Variants in EBF1 observed in about 807,000 individuals in gnomAD.
EBF1 encodes transcription factor COE1.
EBF1 carries 10 observed loss-of-function variants against 68.4 expected under a neutral mutation model. The ratio of observed to expected loss-of-function variants is 0.15; its 90% CI spans 0.09 to 0.25. The LOEUF is 0.25. EBF1 is among the 10% of genes least tolerant of loss of function. The pLI, the probability that EBF1 is intolerant of heterozygous loss-of-function variation, is 1.00. For synonymous variants in EBF1, 298 were observed against 299.8 expected (o/e 0.99, Z 0.06); for missense variants, 509 against 794.4 (o/e 0.64, Z 4.32).
rs569680512 is a variant in EBF1 at position 159,002,357 on chromosome 5, C to T, written c.554+71039G>A. ...CAAAAGTATTTTGCCAATGAAAGTG[C>T]TATAAACAGCCATGCCCTCACTGAA... On this transcript the variant is annotated intron_variant, in intron 6 of 15. Transcript: ENST00000313708. Among the ~76,000 whole-genome samples the T allele has an allele frequency of 1.2e-4, 18 of 152,278 alleles. No homozygotes were observed. In the East Asian group the frequency reaches 1.4e-3, roughly 11 times the overall value.
At chr5:158,722,964 A>T (rs751567409) in intron 11 of EBF1, among the ~76,000 whole-genome samples, 1 of 152,186 alleles carries the variant, frequency 6.6e-6, no homozygotes, top group Admixed American at 6.5e-5. Context: ...ATTATGTTCA[A>T]TGCCCCTGTA....
intron 8 of EBF1, among the ~76,000 whole-genome samples, chr5:158,809,054 C>T (rs985674595): frequency 6.6e-6 from 1 of 152,072 alleles, no homozygotes; most frequent in African/African-American, 2.4e-5. Context: ...TATAGCTGGG[C>T]ATGTATATAC....
At chr5:158,774,627 G>A (rs568978750) in intron 10 of EBF1, among the ~76,000 whole-genome samples, 42 of 152,176 alleles carry the variant, frequency 2.8e-4, no homozygotes, top group African/African-American at 9.6e-4. Context: ...GGAGGGGGCC[G>A]TACATTTGCA....
intron 6 of EBF1, chr5:158,982,912 T>TTC (rs1758177228): frequency 6.6e-6 from 1 of 152,186 alleles, no homozygotes; most frequent in South Asian, 2.1e-4. Context: ...CTATGAATCC[T>TTC]TCTGGTCTGC....
At chr5:158,865,290 G>A (rs1020198553) in intron 6 of EBF1, among the ~76,000 whole-genome samples, 1 of 152,254 alleles carries the variant, frequency 6.6e-6, no homozygotes, top group East Asian at 1.9e-4. Context: ...AGCACAGCAG[G>A]TTGGTTATGA....
intron 6 of EBF1, among the ~76,000 whole-genome samples, chr5:159,053,605 T>TCACA (rs3062333): frequency 0.022 from 3,158 of 146,356 alleles, 49 homozygotes; most frequent in Middle Eastern, 0.062. Context: ...TCTCTCTCTC[T>TCACA]CACACACACA....
intron 10 of EBF1, among the ~76,000 whole-genome samples, chr5:158,734,936 A>T (rs919154489): frequency 1.3e-5 from 2 of 152,192 alleles, no homozygotes; most frequent in Admixed American, 1.3e-4. Context: ...TAGGTTTAGA[A>T]GAATCCATTA....
rs568916561 is a variant in EBF1, at chr5:158,794,484, A to C, written c.909+1861T>G. ...AAGCGTAAGGCAGAGGTGCAAATGC[A>C]TGATTTCCTGATGTGTCCTTATTCC... is the stretch of plus-strand genomic sequence containing the variant. On this transcript the variant is annotated intron_variant, in intron 9 of 15. Transcript: ENST00000313708. 1.5e-4 allele frequency among the ~76,000 whole-genome samples: 23 copies of C among 152,310 alleles called. No individual in the cohort carries two copies. In the South Asian group the frequency reaches 4.8e-3, roughly 32 times the overall value.
In EBF1 at chr5:158,747,804, T is replaced by G. The variant is rs57329206; in HGVS notation, c.1037-16647A>C. Among the ~76,000 whole-genome samples the G allele has an allele frequency of 2.1e-3, 327 of 152,334 alleles. 3 individuals are homozygous for G. Among genetic ancestry groups the G allele is most frequent in the African/African-American group, 7.7e-3 (320 of 41,580 alleles). On this transcript the variant is annotated intron_variant, in intron 10 of 15. Transcript: ENST00000313708. ...GCCAGTGACTGTGCTAAGCACTATC[T>G]TACAAATCACCAACTCTTTGCTGTC...
intron 6 of EBF1, among the ~76,000 whole-genome samples, chr5:159,003,798 G>C (rs578246285): frequency 8.5e-5 from 13 of 152,156 alleles, no homozygotes; most frequent in Non-Finnish European, 1.8e-4. Flanking sequence ...CACTGCTCCC[G>C]TTCTAAAGAT....
chr5:158,762,455 C>T (rs547558242), intron 10 of EBF1, among the ~76,000 whole-genome samples: 6 of 152,190 alleles, frequency 3.9e-5, no homozygotes, highest in African/African-American at 1.2e-4. Flanking sequence ...GAAACAAAAT[C>T]TTTTCTTTGA....
Position 158,696,632 on chromosome 5 carries a change from T to A in EBF1, c.*2479A>T, listed in dbSNP as rs541713867. The A allele has an allele frequency of 4.7e-6, 1 of 214,284 alleles. No individual in the cohort carries two copies. The highest frequency in any genetic ancestry group is 5.8e-5 in the Admixed American group (1 of 17,096). 13.3% of individuals were successfully genotyped at this position (214,284 alleles called of 1,614,324 possible). The stretch of plus-strand genomic sequence containing the variant: ...CGTCCACCTTGCTTACATTTTCCAG[T>A]TTTTTTTATTATTATTAGTCATCAT... On this transcript the variant is annotated 3_prime_UTR_variant, in exon 16 of 16. Transcript: ENST00000313708.
In EBF1 at chr5:158,829,586, G is replaced by A. The variant is rs537636719; in HGVS notation, c.637-6269C>T. The stretch of plus-strand genomic sequence containing the variant: ...TAATAATAGGGGAAACTGGGGGTTA[G>A]GGGATGGGGATGGGGTTGAGAAGGT... On this transcript the variant is annotated intron_variant, in intron 7 of 15. Coordinates refer to ENST00000313708, the MANE Select transcript of EBF1 (RefSeq NM_024007.5). Among the ~76,000 whole-genome samples, 4 of 152,218 alleles carry A rather than the reference G, an allele frequency of 2.6e-5. No individual in the cohort carries two copies. The East Asian group carries it at 5.8e-4, about 22-fold the overall frequency.
rs1450521964 is a variant in EBF1, at chr5:158,855,749, T to TAACA, written c.555-15640_555-15639insTGTT. ...GATGAATTCTCAACTTTCTGAATTTTCTAACTCATAACAGTGACTATGCAT... is the reference window on the plus strand; with the variant it reads ...GATGAATTCTCAACTTTCTGAATTTTAACACTAACTCATAACAGTGACTATGCAT... On this transcript the variant is annotated intron_variant, in intron 6 of 15. Transcript: ENST00000313708. Among the ~76,000 whole-genome samples, 416 of 152,376 alleles carry TAACA rather than the reference T, an allele frequency of 2.7e-3. 1 individual carries two copies. The highest frequency in any genetic ancestry group is 9.7e-3 in the African/African-American group (404 of 41,590).
intron 6 of EBF1, among the ~76,000 whole-genome samples, chr5:158,862,523 G>A (rs1028089856): frequency 6.6e-6 from 1 of 152,072 alleles, no homozygotes; most frequent in African/African-American, 2.4e-5. Context: ...TCTCAGAGAA[G>A]CCCCCTACGT....
chr5:158,865,311 G>C (rs1380245882), intron 6 of EBF1, among the ~76,000 whole-genome samples: 1 of 152,110 alleles, frequency 6.6e-6, no homozygotes, highest in Admixed American at 6.5e-5. Context: ...CATGAACTTG[G>C]TTTAAAAAGG....
At chr5:158,812,559 C>G (rs182267813) in intron 8 of EBF1, among the ~76,000 whole-genome samples, 2 of 152,110 alleles carry the variant, frequency 1.3e-5, no homozygotes, top group Non-Finnish European at 2.9e-5. Context: ...CAGAGCCACC[C>G]CCTTCCGGAG....
At chr5:159,050,510 T>A (rs1180706644) in intron 6 of EBF1, among the ~76,000 whole-genome samples, 4 of 152,188 alleles carry the variant, frequency 2.6e-5, no homozygotes, top group East Asian at 3.9e-4. Context: ...GTCCCTTGAC[T>A]TTAGTGACTT....
chr5:159,033,594 A>T (rs777931687), intron 6 of EBF1, among the ~76,000 whole-genome samples: 11 of 152,216 alleles, frequency 7.2e-5, no homozygotes, highest in Non-Finnish European at 1.5e-4. Context: ...GCAACTGAGA[A>T]CATAATTAGA....
Sources: allele counts gnomAD v4.1 joint callset (sites outside exome capture counted in the v4.1 genomes callset), GRCh38; gene constraint gnomAD v4.1.1; transcripts MANE v1.5; gene names NCBI Gene and HGNC (gene_info 2026-07-23, HGNC 2026-07-21).